Variants in SLC9A7 observed in about 807,000 individuals in gnomAD.
SLC9A7 encodes sodium/hydrogen exchanger 7.
Under a neutral mutation model 52.6 loss-of-function variants are expected in SLC9A7, and 19 were observed. The observed-to-expected ratio is 0.36, with a 90% CI of 0.25 to 0.53. The LOEUF (loss-of-function observed/expected upper bound fraction) is 0.53, where lower values mean the gene tolerates loss of function less well. SLC9A7 is among the 20% of genes least tolerant of loss of function. The pLI, the probability that SLC9A7 is intolerant of heterozygous loss-of-function variation, is 0.91. For synonymous variants in SLC9A7, 226 were observed against 252.1 expected, an observed-to-expected ratio of 0.90 and a Z score of 0.98; for missense variants, 455 against 597.9, an observed-to-expected ratio of 0.76 and a Z score of 2.49.
rs1569515267 is a variant in SLC9A7 at position 46,673,355 on chromosome X, A to AC, written c.604-729_604-728insG. 8.1e-3 allele frequency among the ~76,000 whole-genome samples: 828 copies of AC among 102,626 alleles called. 8 individuals carry two copies. Among genetic ancestry groups the AC allele is most frequent in the African/African-American group, 0.027 (764 of 28,215 alleles). 89.1% of individuals were successfully genotyped at this position (102,626 alleles called of 115,157 possible). The stretch of plus-strand genomic sequence containing the variant: ...ATTCATTGGTTACCTTAAAAATATA[A>AC]ACACACACACACACACACACACACA... On this transcript the variant is annotated intron_variant, in intron 3 of 16. Coordinates refer to ENST00000616978, the MANE Select transcript of SLC9A7 (RefSeq NM_001257291.2).
At chrX:46,681,777 A>G (rs1394895749) in intron 2 of SLC9A7, among the ~76,000 whole-genome samples, 1 of 112,402 alleles carries the variant, frequency 8.9e-6, no homozygotes. Flanking sequence ...CTACCCCAAC[A>G]TTAAATGAAA....
At chrX:46,632,464 G>A (rs1467918433) in intron 13 of SLC9A7, among the ~76,000 whole-genome samples, 1 of 111,450 alleles carries the variant, frequency 9.0e-6, no homozygotes, top group Admixed American at 9.5e-5. Flanking sequence ...GATTGTCTAA[G>A]TTGGTTTGGC....
intron 1 of SLC9A7, among the ~76,000 whole-genome samples, chrX:46,744,507 T>C (rs1437422918): frequency 4.5e-5 from 5 of 112,191 alleles, no homozygotes; most frequent in African/African-American, 1.6e-4. Context: ...AAATTAGTTT[T>C]AGGGGTAGAT....
At chrX:46,651,444 AAG>A (rs1214615249) in intron 8 of SLC9A7, 40 bp from the exon 9 acceptor site, 6 of 1,083,093 alleles carry the variant, frequency 5.5e-6, no homozygotes, top group Admixed American at 2.3e-5. Flanking sequence ...ATGGAAAAAA[AAG>A]AGGCAGGGGA....
intron 14 of SLC9A7, among the ~76,000 whole-genome samples, chrX:46,629,673 C>CT (rs2146721291): frequency 8.9e-6 from 1 of 111,785 alleles, no homozygotes; most frequent in African/African-American, 3.3e-5. Flanking sequence ...TGCTATTGGC[C>CT]TTTTTTTCTT....
rs1455738480 is a variant in SLC9A7, at chrX:46,603,087, T to G, written c.*3865A>C. 5.4e-5 allele frequency: 6 copies of G among 111,421 alleles called. No homozygotes were observed. The highest frequency in any genetic ancestry group is 2.0e-4 in the African/African-American group (6 of 30,649). The allele number at this position is 111,421 out of a possible 1,213,427, so 9.2% of individuals were successfully genotyped here. A position where few individuals can be genotyped will look rare whatever the true frequency, so the allele number is the denominator to read the frequency against. Reference sequence around the variant, plus strand: ...GGGAGACCAGCCTGCATTTCCAGCTTCCTAACACACAAAGAAAGGCCGGGG... The same window carrying G: ...GGGAGACCAGCCTGCATTTCCAGCTGCCTAACACACAAAGAAAGGCCGGGG... On this transcript the variant is annotated 3_prime_UTR_variant, in exon 17 of 17. Coordinates refer to ENST00000616978, the MANE Select transcript of SLC9A7 (RefSeq NM_001257291.2).
chrX:46,725,519 C>T (rs1944929500), intron 1 of SLC9A7: 1 of 950,849 alleles, frequency 1.1e-6, no homozygotes, highest in African/African-American at 1.9e-5. Context: ...TCTTGGTGTC[C>T]TTCAATGACT....
intron 15 of SLC9A7, among the ~76,000 whole-genome samples, chrX:46,614,483 T>C (rs1413543337): frequency 2.7e-5 from 3 of 111,902 alleles, no homozygotes; most frequent in Non-Finnish European, 5.6e-5. Context: ...AGATCCTAAG[T>C]TGAAGCATCT....
chrX:46,680,101 A>G (rs1417611539), intron 2 of SLC9A7, among the ~76,000 whole-genome samples: 2 of 111,740 alleles, frequency 1.8e-5, no homozygotes, highest in African/African-American at 3.3e-5. Flanking sequence ...CTGTAATCCT[A>G]GCACTTTGGG....
At chrX:46,696,601 G>A (rs1381841649) in intron 1 of SLC9A7, among the ~76,000 whole-genome samples, 1 of 109,413 alleles carries the variant, frequency 9.1e-6, no homozygotes, top group South Asian at 3.9e-4. Flanking sequence ...TTCTTCATTC[G>A]TGCATGCATT....
rs1922926730 is a variant in SLC9A7, at chrX:46,759,040, C to T, written c.-11G>A. 26 of 915,491 alleles carry T rather than the reference C, an allele frequency of 2.8e-5. No homozygotes were observed. Among genetic ancestry groups the T allele is most frequent in the Non-Finnish European group, 3.4e-5 (25 of 742,598 alleles). 75.4% of individuals were successfully genotyped at this position (915,491 alleles called of 1,213,427 possible). ...GTCACCAGGCTCCATGGTCCCGGGG[C>T]CCCCCGCGCCTCCTCCGAGCGGGGA... On this transcript the variant is annotated 5_prime_UTR_variant, in exon 1 of 17. Coordinates refer to ENST00000616978, the MANE Select transcript of SLC9A7 (RefSeq NM_001257291.2).
intron 12 of SLC9A7, among the ~76,000 whole-genome samples, chrX:46,638,973 C>T (rs1301151798): frequency 8.9e-6 from 1 of 112,397 alleles, no homozygotes; most frequent in African/African-American, 3.2e-5. Context: ...AATGTTTGCT[C>T]ATATAATTCA....
chrX:46,646,240 A>G (rs1943490381), intron 11 of SLC9A7, among the ~76,000 whole-genome samples: 1 of 110,783 alleles, frequency 9.0e-6, no homozygotes, highest in African/African-American at 3.3e-5. Context: ...CTCATTGGCC[A>G]TGCCTTAGCA....
intron 15 of SLC9A7, among the ~76,000 whole-genome samples, chrX:46,615,431 G>A (rs181266880): frequency 1.8e-5 from 2 of 110,706 alleles, no homozygotes; most frequent in East Asian, 5.7e-4. Context: ...CCTCCAATTT[G>A]GGAAGAGACC....
chrX:46,656,206 C>T (rs1349317304), intron 7 of SLC9A7, among the ~76,000 whole-genome samples: 1 of 111,261 alleles, frequency 9.0e-6, no homozygotes, highest in Non-Finnish European at 1.9e-5. Flanking sequence ...GACATCCACA[C>T]CAAAAACCCA....
intron 5 of SLC9A7, among the ~76,000 whole-genome samples, chrX:46,669,387 G>A (rs1212828135): frequency 9.2e-6 from 1 of 109,043 alleles, no homozygotes; most frequent in Non-Finnish European, 1.9e-5. Context: ...ACTCTAGCTT[G>A]GGCAACAGAG....
intron 16 of SLC9A7, among the ~76,000 whole-genome samples, chrX:46,607,480 T>A (rs1942768988): frequency 9.0e-6 from 1 of 111,562 alleles, no homozygotes; most frequent in South Asian, 3.8e-4. Context: ...CAGCCTGGAT[T>A]TCCAGCTTCC....
intron 6 of SLC9A7, 71 bp downstream of exon 6, chrX:46,662,467 G>T: frequency 1.3e-6 from 1 of 748,122 alleles, no homozygotes. Flanking sequence ...TTTAAGATAA[G>T]CCTCTGAATT....
chrX:46,721,560 G>A (rs777389735), intron 1 of SLC9A7, among the ~76,000 whole-genome samples: 10 of 110,503 alleles, frequency 9.0e-5, no homozygotes, highest in African/African-American at 3.3e-4. Flanking sequence ...AAATAAACAC[G>A]TTTGCTTCAA....
Sources: gnomAD v4.1 joint callset for allele counts (sites outside exome capture counted in the v4.1 genomes callset) on GRCh38, gnomAD v4.1.1 for gene constraint, MANE v1.5 for transcripts, NCBI Gene and HGNC (gene_info 2026-07-23, HGNC 2026-07-21) for gene names.